Variants in MGAT4C observed in about 807,000 individuals in gnomAD.
MGAT4C encodes MGAT4 family member C, also known as alpha-1,3-mannosyl-glycoprotein 4-beta-N-acetylglucosaminyltransferase C.
A neutral mutation model predicts 40.1 loss-of-function variants in MGAT4C; 19 were observed. That is an observed-to-expected ratio of 0.47 (90% CI 0.33 to 0.70). The LOEUF is 0.70. Among genes scored for constraint, MGAT4C ranks in the 30% least tolerant of loss-of-function variants. MGAT4C has a pLI of 0.02. For synonymous variants in MGAT4C, 181 were observed against 187.1 expected (o/e 0.97, Z 0.27); for missense variants, 491 against 563.2 (o/e 0.87, Z 1.30).
intron 2 of MGAT4C, among the ~76,000 whole-genome samples, chr12:86,651,463 G>A (rs1449416669): frequency 6.6e-6 from 1 of 151,798 alleles, no homozygotes; most frequent in East Asian, 1.9e-4. Context: ...TTAAAGATCT[G>A]TGTAATACCT....
chr12:86,105,447 T>C (rs1875977655), intron 1 of MGAT4C, among the ~76,000 whole-genome samples: 1 of 152,150 alleles, frequency 6.6e-6, no homozygotes, highest in South Asian at 2.1e-4. Context: ...CATGTACATG[T>C]TATCAAAAAC....
intron 2 of MGAT4C, among the ~76,000 whole-genome samples, chr12:86,456,567 G>A (rs1440250878): frequency 6.6e-6 from 1 of 152,066 alleles, no homozygotes; most frequent in Non-Finnish European, 1.5e-5. Context: ...TATTTTAAGA[G>A]TTTTTTCATT....
rs565009272 is a variant in MGAT4C at position 86,729,733 on chromosome 12, C to T, written c.-261-2492G>A. Among the ~76,000 whole-genome samples the T allele has an allele frequency of 4.6e-5, 7 of 151,962 alleles. No homozygotes were observed. The South Asian group carries it at 1.5e-3, about 32-fold the overall frequency. On this transcript the variant is annotated intron_variant, in intron 1 of 7. Coordinates refer to the MGAT4C transcript ENST00000548651. ...TGGACACTTATTCTCATAACAAAAG[C>T]CCTGAAAAAATGTTGTACAACACTT...
intron 1 of MGAT4C, among the ~76,000 whole-genome samples, chr12:86,081,632 T>TG (rs1870848922): frequency 6.6e-6 from 1 of 152,082 alleles, no homozygotes; most frequent in South Asian, 2.1e-4. Context: ...GAATGAAGTC[T>TG]GGGGGGTGAC....
intron 1 of MGAT4C, among the ~76,000 whole-genome samples, chr12:86,776,149 A>G (rs1268614853): frequency 1.3e-5 from 2 of 152,058 alleles, no homozygotes; most frequent in Non-Finnish European, 2.9e-5. Flanking sequence ...ATTGGCTAAA[A>G]CAAGCCAATA....
At chr12:86,501,378 C>A (rs1021967378) in intron 2 of MGAT4C, among the ~76,000 whole-genome samples, 1 of 151,860 alleles carries the variant, frequency 6.6e-6, no homozygotes, top group Non-Finnish European at 1.5e-5. Flanking sequence ...GCAAGAAGTG[C>A]AGGTTTGTTA....
At chr12:86,383,466 C>T (rs866882051) in intron 3 of MGAT4C, among the ~76,000 whole-genome samples, 3 of 140,852 alleles carry the variant, frequency 2.1e-5, no homozygotes, top group Non-Finnish European at 4.6e-5. Context: ...GCAGGAGAAT[C>T]GCTTGAACCT....
At chr12:86,482,742 G>A (rs1174887612) in intron 2 of MGAT4C, among the ~76,000 whole-genome samples, 1 of 152,086 alleles carries the variant, frequency 6.6e-6, no homozygotes, top group Non-Finnish European at 1.5e-5. Context: ...GATTGTCAGA[G>A]ATTAATTAAG....
At chr12:86,493,281 G>T (rs1252982043) in intron 2 of MGAT4C, among the ~76,000 whole-genome samples, 2 of 151,726 alleles carry the variant, frequency 1.3e-5, no homozygotes, top group African/African-American at 4.9e-5. Context: ...ATTTGACCCA[G>T]CTATCCCATT....
chr12:86,788,507 G>C (rs952910908), intron 1 of MGAT4C, among the ~76,000 whole-genome samples: 1 of 152,018 alleles, frequency 6.6e-6, no homozygotes, highest in Admixed American at 6.6e-5. Flanking sequence ...CCTATACAAG[G>C]ACTGTTTTTC....
chr12:85,992,164 A>G (rs372900172), intron 2 of MGAT4C, among the ~76,000 whole-genome samples: 219 of 152,342 alleles, frequency 1.4e-3, no homozygotes, highest in African/African-American at 5.0e-3. Context: ...AAAGAAAAAT[A>G]CTGGACATTT....
chr12:86,252,183 G>T (rs1469314674), intron 1 of MGAT4C, among the ~76,000 whole-genome samples: 2 of 151,740 alleles, frequency 1.3e-5, no homozygotes, highest in Non-Finnish European at 2.9e-5. Context: ...GAGGCAGAGA[G>T]AGAAAGCAGA....
chr12:86,588,612 C>A (rs1372545856), intron 2 of MGAT4C, among the ~76,000 whole-genome samples: 1 of 151,998 alleles, frequency 6.6e-6, no homozygotes, highest in Admixed American at 6.6e-5. Flanking sequence ...TTTTTCAGCA[C>A]CACACCACAC....
intron 1 of MGAT4C, among the ~76,000 whole-genome samples, chr12:86,187,009 G>A (rs1343309172): frequency 6.6e-6 from 1 of 152,008 alleles, no homozygotes; most frequent in African/African-American, 2.4e-5. Flanking sequence ...GGGCTAAGAA[G>A]GCAAACCAAA....
intron 1 of MGAT4C, among the ~76,000 whole-genome samples, chr12:86,756,779 G>A (rs1050302382): frequency 5.9e-5 from 9 of 152,086 alleles, no homozygotes; most frequent in Admixed American, 1.3e-4. Context: ...GGAGTACAGA[G>A]TATAAAGGCA....
intron 3 of MGAT4C, among the ~76,000 whole-genome samples, chr12:86,354,124 C>A (rs1955249736): frequency 6.6e-6 from 1 of 152,118 alleles, no homozygotes; most frequent in South Asian, 2.1e-4. Flanking sequence ...ACATGCTGGG[C>A]AGACCAAAAT....
At chr12:86,126,053 T>C (rs1350918596) in intron 1 of MGAT4C, among the ~76,000 whole-genome samples, 1 of 151,924 alleles carries the variant, frequency 6.6e-6, no homozygotes, top group Non-Finnish European at 1.5e-5. Flanking sequence ...TCAGTTAAAA[T>C]TACCTATGAA....
intron 2 of MGAT4C, among the ~76,000 whole-genome samples, chr12:86,019,468 G>A (rs1166744322): frequency 2.0e-5 from 3 of 152,106 alleles, no homozygotes; most frequent in Non-Finnish European, 4.4e-5. Flanking sequence ...GTTTATCAGA[G>A]AGATAAACAT....
chr12:86,316,079 C>CAAAAAAAAAAAAAAAAAAA (rs71076185), intron 4 of MGAT4C, among the ~76,000 whole-genome samples: 1 of 34,062 alleles, frequency 2.9e-5, no homozygotes, highest in Non-Finnish European at 5.0e-5. Flanking sequence ...ATACAAGCAG[C>CAAAAAAAAAAAAAAAAAAA]AAAAAAAAAA....
Sources: allele counts gnomAD v4.1 joint callset (sites outside exome capture counted in the v4.1 genomes callset), GRCh38; gene constraint gnomAD v4.1.1; transcripts MANE v1.5; gene names NCBI Gene and HGNC (gene_info 2026-07-23, HGNC 2026-07-21).